The following SLC10A6 variants were observed in gnomAD, a reference collection of about 807,000 sequenced individuals.
SLC10A6 encodes sodium-dependent organic anion transporter.
Under a neutral mutation model 30.0 loss-of-function variants are expected in SLC10A6, and 27 were observed. That is an observed-to-expected ratio of 0.90 (90% confidence interval 0.66 to 1.24). The LOEUF (loss-of-function observed/expected upper bound fraction) is 1.24, where lower values mean the gene tolerates loss of function less well. Among genes scored for constraint, SLC10A6 ranks in the 50% most tolerant of loss-of-function variants. The pLI, the probability that SLC10A6 is intolerant of heterozygous loss-of-function variation, is 0.00. For missense variants in SLC10A6, 439 were observed against 457.0 expected, an observed-to-expected ratio of 0.96 and a Z score of 0.36; for synonymous variants, 166 against 173.8, an observed-to-expected ratio of 0.95 and a Z score of 0.36.
intron 1 of SLC10A6, among the ~76,000 whole-genome samples, chr4:86,841,411 A>G (rs1327173013): frequency 1.3e-5 from 2 of 152,226 alleles, no homozygotes; most frequent in Admixed American, 1.3e-4. Context: ...GTGGAAAGTC[A>G]CGCCTTGTAT....
intron 1 of SLC10A6, among the ~76,000 whole-genome samples, chr4:86,836,019 C>T (rs1425573635): frequency 6.6e-6 from 1 of 152,148 alleles, no homozygotes; most frequent in African/African-American, 2.4e-5. Context: ...CTCTGGCCAC[C>T]TTGGAAAGTG....
intron 1 of SLC10A6, among the ~76,000 whole-genome samples, chr4:86,840,093 A>C (rs1191586546): frequency 6.8e-6 from 1 of 146,258 alleles, no homozygotes; most frequent in African/African-American, 2.5e-5. Context: ...TTTTTTTTTT[A>C]ATTTTTAGTA....
chr4:86,837,983 T>A (rs1408401814), intron 1 of SLC10A6, among the ~76,000 whole-genome samples: 2 of 152,226 alleles, frequency 1.3e-5, no homozygotes, highest in Non-Finnish European at 2.9e-5. Flanking sequence ...CATCTGTCAC[T>A]CTTCCTCCTA....
chr4:86,842,788 T>C (rs1364092063), intron 1 of SLC10A6, among the ~76,000 whole-genome samples: 1 of 2,510 alleles, frequency 4.0e-4, no homozygotes, highest in African/African-American at 4.7e-3. Context: ...GACACCTCTT[T>C]TCTTTCTTTC....
chr4:86,833,281 C>G, intron 2 of SLC10A6, 25 bp downstream of exon 2: 2 of 1,521,530 alleles, frequency 1.3e-6, no homozygotes, highest in South Asian at 2.3e-5. Context: ...ACTGTTAGTC[C>G]TCCATTTCCC....
chr4:86,837,710 A>G, intron 1 of SLC10A6: 1 of 791,946 alleles, frequency 1.3e-6, no homozygotes, highest in Non-Finnish European at 1.5e-6. Flanking sequence ...ATTAGGGGAA[A>G]GAAAATAAAT....
At chr4:86,826,254 T>C (rs776349099) in intron 4 of SLC10A6, among the ~76,000 whole-genome samples, 3 of 151,988 alleles carry the variant, frequency 2.0e-5, no homozygotes, top group Admixed American at 6.6e-5. Flanking sequence ...GAAAGACATA[T>C]GAAACAATAT....
chr4:86,845,659 C>G (rs1746380644), intron 1 of SLC10A6, among the ~76,000 whole-genome samples: 1 of 152,010 alleles, frequency 6.6e-6, no homozygotes, highest in South Asian at 2.1e-4. Flanking sequence ...ATACAATTAG[C>G]CAAGAAAGAA....
intron 5 of SLC10A6, 85 bp from the exon 6 acceptor site, chr4:86,823,987 G>T: frequency 7.7e-7 from 1 of 1,293,324 alleles, no homozygotes; most frequent in Non-Finnish European, 1.1e-6. Flanking sequence ...AATCCTTCAG[G>T]TGTTTGTTTC....
chr4:86,827,694 T>A (rs1190781772), intron 4 of SLC10A6, among the ~76,000 whole-genome samples: 2 of 152,370 alleles, frequency 1.3e-5, no homozygotes, highest in East Asian at 3.9e-4. Flanking sequence ...TTTTGATGCA[T>A]AGAATTCTTT....
chr4:86,837,804 C>G (rs1340993392), intron 1 of SLC10A6: 2 of 206,542 alleles, frequency 9.7e-6, no homozygotes, highest in Non-Finnish European at 1.7e-5. Context: ...TAAGCATGTA[C>G]AAACTGTTTA....
At position 86,848,768 on chromosome 4, in the gene SLC10A6, G is replaced by A; in HGVS notation, c.348C>T (p.Thr116=). Reference sequence around the variant, plus strand: ...GATCCATATCTCCATCAACCCAGAAGGTGAAAATGTTAGAGATGGTGCCCC... The same window carrying A: ...GATCCATATCTCCATCAACCCAGAAAGTGAAAATGTTAGAGATGGTGCCCC... ...CPGGTISNIF[T]FWVDGDMDLS... The change falls in exon 1 of 6, where the codon ACC becomes ACT. Residue 116 remains threonine (T), a synonymous_variant. Coordinates refer to ENST00000273905, the MANE Select transcript of SLC10A6 (RefSeq NM_197965.3). 6.2e-7 allele frequency: 1 copy of A among 1,603,766 alleles called. No homozygotes were observed. The highest frequency in any genetic ancestry group is 1.3e-5 in the African/African-American group (1 of 74,824).
In SLC10A6 at chr4:86,825,472, G is replaced by A. The variant is rs1745964271; in HGVS notation, c.867C>T (p.Phe289=). The A allele has an allele frequency of 1.9e-6, 3 of 1,612,302 alleles. No individual in the cohort carries two copies. Among genetic ancestry groups the A allele is most frequent in the Non-Finnish European group, 2.5e-6 (3 of 1,178,654 alleles). The change falls in exon 5 of 6, where the codon TTC becomes TTT. Residue 289 remains phenylalanine (F), a synonymous_variant. Coordinates refer to ENST00000273905, the MANE Select transcript of SLC10A6 (RefSeq NM_197965.3). ...TAEHLVQMLS[F]PLAYGLFQLI... The stretch of plus-strand genomic sequence containing the variant: ...GCTGGAAGAGTCCATAGGCCAGTGG[G>A]AAACTCAACATCTGGACCAAGTGCT...
At chr4:86,835,795 T>G (rs1746175805) in intron 1 of SLC10A6, among the ~76,000 whole-genome samples, 1 of 149,138 alleles carries the variant, frequency 6.7e-6, no homozygotes, top group African/African-American at 2.5e-5. Context: ...GGACTGAGAT[T>G]TGAGATTGAA....
intron 1 of SLC10A6, among the ~76,000 whole-genome samples, chr4:86,834,559 T>C (rs1471095520): frequency 2.0e-5 from 3 of 152,330 alleles, no homozygotes; most frequent in Middle Eastern, 3.4e-3. Context: ...TTGGTCATGG[T>C]GTATAATCCT....
Position 86,849,018 on chromosome 4 carries a change from A to T in SLC10A6, c.98T>A (p.Val33Asp). ...GLEVHGNLEL[V>D]FTVVSTVMMG... ...CATCACAGTGGACACCACTGTGAAA[A>T]CGAGCTCCAGGTTTCCATGCACCTC... is the stretch of plus-strand genomic sequence containing the variant. The change falls in exon 1 of 6, where the codon GTT becomes GAT. Residue 33 changes from valine (V) to aspartate (D), a missense_variant. Transcript: ENST00000273905. The T allele has an allele frequency of 6.2e-7, 1 of 1,614,128 alleles. No individual in the cohort carries two copies. Among genetic ancestry groups the T allele is most frequent in the South Asian group, 1.1e-5 (1 of 91,070 alleles).
At position 86,842,854 on chromosome 4, in the gene SLC10A6, CTTTCTTTCTTTCTTTCTTTCTTTT is replaced by C. The variant is rs1746325126; in HGVS notation, c.377+5861_377+5884del. 1.5e-4 allele frequency among the ~76,000 whole-genome samples: 5 copies of C among 32,542 alleles called. 1 individual carries two copies. The highest frequency in any genetic ancestry group is 2.2e-4 in the African/African-American group (1 of 4,634). 21.3% of individuals were successfully genotyped at this position (32,542 alleles called of 152,430 possible). A position where few individuals can be genotyped will look rare whatever the true frequency, so the allele number is the denominator to read the frequency against. ...TCTTTCTTTCTTTCTTTCTTTCTTTCTTTCTTTCTTTCTTTCTTTCTTTTTTTTTTTGAGATGGAGTCTCGCTCT... is the reference window on the plus strand; with the variant it reads ...TCTTTCTTTCTTTCTTTCTTTCTTTCTTTTTTTGAGATGGAGTCTCGCTCT... On this transcript the variant is annotated intron_variant, in intron 1 of 5. Coordinates refer to ENST00000273905, the MANE Select transcript of SLC10A6 (RefSeq NM_197965.3).
In SLC10A6 at chr4:86,828,101, C is replaced by A; in HGVS notation, c.653G>T (p.Gly218Val). 6.2e-7 allele frequency: 1 copy of A among 1,613,886 alleles called. No homozygotes were observed. Among genetic ancestry groups the A allele is most frequent in the East Asian group, 2.2e-5 (1 of 44,856 alleles). The change falls in exon 4 of 6, where the codon GGA (glycine) becomes GTA (valine). Residue 218 changes from glycine (G) to valine (V), a missense_variant. Coordinates refer to ENST00000273905, the MANE Select transcript of SLC10A6 (RefSeq NM_197965.3). ...VAVAGVVLAK[G>V]SWNSDITLLT... ...AAGGGTGATGTCTGAATTCCAAGAT[C>A]CTTTCGCCAGGACCACACCAGCAAC...
intron 5 of SLC10A6, 32 bp downstream of exon 5, chr4:86,825,388 A>G (rs2149410094): frequency 6.4e-7 from 1 of 1,554,914 alleles, no homozygotes; most frequent in Non-Finnish European, 8.8e-7. Flanking sequence ...ATTTCCCGTC[A>G]GTTATTTCCT....
Sources: gnomAD v4.1 joint callset for allele counts (sites outside exome capture counted in the v4.1 genomes callset) on GRCh38, gnomAD v4.1.1 for gene constraint, MANE v1.5 for transcripts, NCBI Gene and HGNC (gene_info 2026-07-23, HGNC 2026-07-21) for gene names.